Variants in FAAP20 observed in about 807,000 individuals in gnomAD.
FAAP20 encodes the protein Fanconi anemia core complex-associated protein 20.
In FAAP20, 12 loss-of-function variants were observed where a neutral mutation model predicts 16.2. The ratio of observed to expected loss-of-function variants is 0.74; its 90% confidence interval spans 0.48 to 1.20. The LOEUF is 1.20. Among genes scored for constraint, FAAP20 ranks in the 50% most tolerant of loss-of-function variants. FAAP20 has a pLI of 0.00. For synonymous variants in FAAP20, 141 were observed against 110.7 expected (o/e 1.27, Z -1.72); for missense variants, 288 against 245.8 (o/e 1.17, Z -1.15).
At chr1:2,187,618 T>G (rs1687741891), downstream of FAAP20, among the ~76,000 whole-genome samples, 1 of 152,190 alleles carries the variant, frequency 6.6e-6, no homozygotes, top group Non-Finnish European at 1.5e-5. Flanking sequence ...GCCATTTTCT[T>G]AAGTAGGCAT....
upstream of FAAP20, chr1:2,200,577 A>C: frequency 1.0e-6 from 1 of 962,872 alleles, no homozygotes; most frequent in Non-Finnish European, 1.2e-6. Flanking sequence ...GATTTTGGAC[A>C]CCAGCTGCCT....
At chr1:2,184,716 C>T (rs771601445), downstream of FAAP20, 41 of 1,604,186 alleles carry the variant, frequency 2.6e-5, no homozygotes, top group Middle Eastern at 3.3e-4. Context: ...CCACTGGGTG[C>T]GGGTCCCTGG....
chr1:2,187,978 C>A (rs1687767905), downstream of FAAP20, among the ~76,000 whole-genome samples: 2 of 152,208 alleles, frequency 1.3e-5, no homozygotes, highest in Admixed American at 1.3e-4. Flanking sequence ...TTTTCCAGAA[C>A]CCCCTAGGGT....
intron 1 of FAAP20, among the ~76,000 whole-genome samples, chr1:2,194,374 G>A (rs1324364279): frequency 4.9e-5 from 7 of 143,588 alleles, no homozygotes; most frequent in African/African-American, 1.6e-4. Flanking sequence ...GTCCTCAGCG[G>A]GATGAGGCGA....
upstream of FAAP20, chr1:2,194,803 C>T (rs1376768885): frequency 1.3e-6 from 1 of 748,510 alleles, no homozygotes; most frequent in Non-Finnish European, 1.6e-6. Flanking sequence ...CCCCTCCAGG[C>T]CCCGCCCCCG....
intron 3 of FAAP20, among the ~76,000 whole-genome samples, chr1:2,204,936 A>C (rs1368153054): frequency 6.5e-4 from 7 of 10,784 alleles, no homozygotes; most frequent in Admixed American, 2.3e-3. Context: ...CGGGCCCCCC[A>C]TACCCCGCCC....
downstream of FAAP20, among the ~76,000 whole-genome samples, chr1:2,189,286 T>C (rs1357007780): frequency 2.9e-5 from 4 of 139,770 alleles, no homozygotes; most frequent in African/African-American, 1.1e-4. Flanking sequence ...GAGCCGTGAT[T>C]GCACCACTGC....
At chr1:2,200,752 C>A, upstream of FAAP20, 3 of 992,356 alleles carry the variant, frequency 3.0e-6, no homozygotes, top group Non-Finnish European at 3.6e-6. Context: ...AGCCCTCGGT[C>A]TCCTGTCCAC....
At chr1:2,208,710 G>C (rs1335516315), downstream of FAAP20, among the ~76,000 whole-genome samples, 1 of 152,220 alleles carries the variant, frequency 6.6e-6, no homozygotes, top group East Asian at 1.9e-4. Context: ...GTGGGCAGCA[G>C]CTCCCTGGGC....
chr1:2,200,972 TCTG>T, upstream of FAAP20: 2 of 1,223,704 alleles, frequency 1.6e-6, no homozygotes, highest in Non-Finnish European at 2.1e-6. Flanking sequence ...TTATGGGAAA[TCTG>T]CTGGCTGGGG....
At chr1:2,187,132 C>G (rs1687685472), downstream of FAAP20, 1 of 468,512 alleles carries the variant, frequency 2.1e-6, no homozygotes, top group African/African-American at 2.0e-5. Context: ...GAGCCCGTGG[C>G]TGGCCGGCTC....
downstream of FAAP20, chr1:2,184,779 C>G: frequency 1.4e-6 from 2 of 1,445,858 alleles, no homozygotes; most frequent in Non-Finnish European, 9.5e-7. Context: ...AGCTGGTGAC[C>G]CAGCCTGCCC....
At chr1:2,203,934 G>A (rs903318570), upstream of FAAP20, 4 of 152,464 alleles carry the variant, frequency 2.6e-5, no homozygotes, top group Admixed American at 6.5e-5. Flanking sequence ...GGTGGGGTTG[G>A]GGAGGACTTA....
upstream of FAAP20, chr1:2,201,366 A>T: frequency 1.8e-6 from 1 of 569,948 alleles, no homozygotes; most frequent in Non-Finnish European, 2.3e-6. Context: ...GGGAGCAAGA[A>T]GGCACCGCCG....
upstream of FAAP20, among the ~76,000 whole-genome samples, chr1:2,194,992 C>T (rs2100706499): frequency 6.6e-6 from 1 of 152,120 alleles, no homozygotes; most frequent in East Asian, 1.9e-4. Flanking sequence ...CGCCCGTGTC[C>T]CCTTTCCCGT....
upstream of FAAP20, among the ~76,000 whole-genome samples, chr1:2,195,717 A>G (rs1408950451): frequency 6.6e-6 from 1 of 152,070 alleles, no homozygotes; most frequent in Non-Finnish European, 1.5e-5. Context: ...AACCCAGGCC[A>G]CCCGAGTGGC....
chr1:2,197,413 C>T (rs1232118671), upstream of FAAP20, among the ~76,000 whole-genome samples: 7 of 152,352 alleles, frequency 4.6e-5, no homozygotes, highest in African/African-American at 7.2e-5. Context: ...GCCCGGCTGG[C>T]GCAGGCTGCT....
At chr1:2,196,051 C>T (rs1180578064), upstream of FAAP20, among the ~76,000 whole-genome samples, 2 of 152,130 alleles carry the variant, frequency 1.3e-5, no homozygotes, top group Non-Finnish European at 2.9e-5. This position sits in a 1 kb window ranked among gnomAD's most constrained non-coding sequence, Gnocchi z 4.5. Context: ...TGCTCTCAGG[C>T]GAGAGAAGCC....
chr1:2,203,339 G>T, upstream of FAAP20: 1 of 853,204 alleles, frequency 1.2e-6, no homozygotes, highest in Non-Finnish European at 1.4e-6. Flanking sequence ...CCATAGTGGG[G>T]CAGGCTCTCT....
Sources: gnomAD v4.1 joint callset for allele counts (sites outside exome capture counted in the v4.1 genomes callset) on GRCh38, gnomAD v4.1.1 for gene constraint, Gnocchi (gnomAD v3.1) non-coding constraint, MANE v1.5 for transcripts, NCBI Gene and HGNC (gene_info 2026-07-23, HGNC 2026-07-21) for gene names.